Variants in AP1G2 observed in about 807,000 individuals in gnomAD.
AP1G2 encodes the protein adaptor related protein complex 1 subunit gamma 2, also known as AP-1 complex subunit gamma-like 2.
AP1G2 carries 85 observed loss-of-function variants against 95.8 expected under a neutral mutation model. The observed-to-expected ratio is 0.89, with a 90% CI of 0.74 to 1.06. The LOEUF is 1.06. Ranked by LOEUF, AP1G2 falls within the 50% of genes least tolerant of loss-of-function variation. The pLI is 0.00. For synonymous variants in AP1G2, 378 were observed against 400.0 expected (o/e 0.94, Z 0.66); for missense variants, 967 against 1,005.8 (o/e 0.96, Z 0.52).
rs780673370 is a variant in AP1G2, at chr14:23,560,355, C to G, written c.2057G>C (p.Arg686Pro). Residue 686 changes from arginine (R) to proline (P), a missense_variant, in exon 20 of 22, where the codon CGA (arginine) becomes CCA (proline). Transcript: ENST00000397120. ...EGVQLNLSFI[R>P]PPENPALLLI... ...CAGCAAAGCAGGGTTTTCAGGGGGTCGAATGAAAGACAGATTCAGCTGTAC... is the reference window on the plus strand; with the variant it reads ...CAGCAAAGCAGGGTTTTCAGGGGGTGGAATGAAAGACAGATTCAGCTGTAC... The G allele has an allele frequency of 3.1e-6, 5 of 1,613,832 alleles. No homozygotes were observed. Among genetic ancestry groups the G allele is most frequent in the East Asian group, 4.5e-5 (2 of 44,898 alleles).
chr14:23,566,410 G>T lies in AP1G2; in HGVS notation c.339C>A (p.Ser113Arg). The T allele has an allele frequency of 6.2e-7, 1 of 1,613,746 alleles. No individual in the cohort carries two copies. The highest frequency in any genetic ancestry group is 2.2e-5 in the East Asian group (1 of 44,870). The change falls in exon 4 of 22, where the codon AGC becomes AGA. Residue 113 changes from serine to arginine, a missense_variant. Ser to Arg is a moderately radical substitution (Grantham distance 110). Coordinates refer to ENST00000397120, the MANE Select transcript of AP1G2 (RefSeq NM_003917.5). ...GGCCTTGTACTGGCTGAATCCCCTG[G>T]CTCAGGTCACTGCAGGGTTTGGGAG... ...LITNSIKNDLSQGIQPVQGLA... is the reference protein window; with the variant it reads ...LITNSIKNDLRQGIQPVQGLA...
chr14:23,564,507 T>G (rs1886781150), intron 9 of AP1G2, 55 bp downstream of exon 9: 1 of 1,601,608 alleles, frequency 6.2e-7, no homozygotes, highest in Admixed American at 1.7e-5. Context: ...AAGCAGGACC[T>G]GTGTGGGTGA....
intron 19 of AP1G2, 102 bp downstream of exon 19, chr14:23,561,194 A>G: frequency 6.8e-7 from 1 of 1,461,258 alleles, no homozygotes; most frequent in Non-Finnish European, 9.0e-7. Context: ...GGGGACACAC[A>G]GGAAGAAGCA....
rs1198025206 is a variant in AP1G2, at chr14:23,567,771, C to G, written c.-38G>C. The G allele has an allele frequency of 8.0e-6, 8 of 1,003,704 alleles. No individual in the cohort carries two copies. The highest frequency in any genetic ancestry group is 1.0e-3 in the Middle Eastern group (2 of 2,006). The allele number at this position is 1,003,704 out of a possible 1,614,324, so 62.2% of individuals were successfully genotyped here. A position where few individuals can be genotyped will look rare whatever the true frequency, so the allele number is the denominator to read the frequency against. On this transcript the variant is annotated 5_prime_UTR_variant, in exon 1 of 22. Transcript: ENST00000397120. The surrounding 1 kb of genome is among the most constrained non-coding windows in gnomAD (Gnocchi z 5.3). ...CTGCCTCAACTCCGCTCCTCTGCCC[C>G]CCAGCGCTTCCTGGTACGGGGCCGA...
intron 2 of AP1G2, 125 bp downstream of exon 2, chr14:23,566,986 T>G (rs1888375546): frequency 1.8e-6 from 2 of 1,100,298 alleles, no homozygotes; most frequent in Admixed American, 5.6e-5. Flanking sequence ...AGGTTTGCAG[T>G]GCAGGCTGTG....
At chr14:23,566,814 C>T (rs1888254510) in intron 2 of AP1G2, 128 bp from the exon 3 acceptor site, 2 of 1,364,172 alleles carry the variant, frequency 1.5e-6, no homozygotes, top group African/African-American at 1.4e-5. Flanking sequence ...CTCCCTTCAA[C>T]AAGAGGAGAA....
chr14:23,565,250 T>G, intron 7 of AP1G2, 51 bp from the exon 8 acceptor site: 2 of 1,575,032 alleles, frequency 1.3e-6, no homozygotes, highest in Non-Finnish European at 1.7e-6. Context: ...GGATAAGGAG[T>G]CGTGGGGCTG....
intron 2 of AP1G2, chr14:23,566,910 G>A (rs1888329169): frequency 1.1e-6 from 1 of 882,328 alleles, no homozygotes; most frequent in East Asian, 2.7e-5. Context: ...CTGCCCTAAA[G>A]GAGGCTGGCC....
intron 8 of AP1G2, chr14:23,564,881 G>C (rs928783307): frequency 1.6e-6 from 1 of 631,042 alleles, no homozygotes; most frequent in Admixed American, 2.8e-5. Context: ...CATGTTATCT[G>C]TCCATCCTTC....
At chr14:23,562,955 G>C (rs966021862) in intron 14 of AP1G2, 1 of 730,880 alleles carries the variant, frequency 1.4e-6, no homozygotes, top group African/African-American at 1.8e-5. Flanking sequence ...CAAACAGGAT[G>C]GAAATGTGAG....
chr14:23,566,807 C>T (rs1164928799), intron 2 of AP1G2, 121 bp from the exon 3 acceptor site: 9 of 1,393,450 alleles, frequency 6.5e-6, no homozygotes, highest in Non-Finnish European at 8.8e-6. Flanking sequence ...CATCACTCTC[C>T]CTTCAACAAG....
chr14:23,561,935 C>T (rs373148237), intron 17 of AP1G2, 27 bp downstream of exon 17: 5 of 1,583,332 alleles, frequency 3.2e-6, no homozygotes, highest in Non-Finnish European at 4.3e-6. Context: ...GTTTGGGTCC[C>T]ATGCTGCAGC....
At chr14:23,564,836 C>G in intron 8 of AP1G2, 176 bp from the exon 9 acceptor site, 1 of 645,532 alleles carries the variant, frequency 1.5e-6, no homozygotes, top group South Asian at 1.9e-5. Context: ...TGCCAACAAG[C>G]CCAGGTAATC....
intron 19 of AP1G2, 101 bp downstream of exon 19, chr14:23,561,195 G>T: frequency 6.8e-7 from 1 of 1,463,858 alleles, no homozygotes; most frequent in Non-Finnish European, 9.0e-7. Context: ...GGGACACACA[G>T]GAAGAAGCAG....
chr14:23,565,949 C>A, intron 5 of AP1G2, 57 bp from the exon 6 acceptor site: 2 of 1,604,338 alleles, frequency 1.2e-6, no homozygotes, highest in East Asian at 2.2e-5. Flanking sequence ...GAGTCTATTG[C>A]GTGTGTGCCT....
At chr14:23,565,974 C>G in intron 5 of AP1G2, 82 bp from the exon 6 acceptor site, 2 of 1,610,832 alleles carry the variant, frequency 1.2e-6, no homozygotes, top group East Asian at 2.2e-5. Flanking sequence ...GTGTGCACTA[C>G]CCTTCTCCTG....
In AP1G2 at chr14:23,561,670, G is replaced by T. The variant is rs751802051; in HGVS notation, c.1734-35C>A. Reference sequence around the variant, plus strand: ...TGGAATGCAAGTGTGCCTCTGTGTGGTCTCTGGGCCTTTCACAAGAGGCAT... The same window carrying T: ...TGGAATGCAAGTGTGCCTCTGTGTGTTCTCTGGGCCTTTCACAAGAGGCAT... On this transcript the variant is annotated intron_variant, in intron 17 of 21. Coordinates refer to ENST00000397120, the MANE Select transcript of AP1G2 (RefSeq NM_003917.5). The T allele has an allele frequency of 3.1e-6, 5 of 1,608,772 alleles. No homozygotes were observed. The African/African-American group carries it at 6.7e-5, about 22-fold the overall frequency.
chr14:23,566,227 C>A (rs777883811), intron 4 of AP1G2, 51 bp downstream of exon 4: 87 of 1,607,600 alleles, frequency 5.4e-5, no homozygotes, highest in Non-Finnish European at 7.1e-5. Flanking sequence ...TACTATATAG[C>A]ACGCAGCAGG....
chr14:23,567,071 C>T lies in AP1G2; in HGVS notation c.204+40G>A. The T allele has an allele frequency of 6.3e-7, 1 of 1,584,504 alleles. No homozygotes were observed. Among genetic ancestry groups the T allele is most frequent in the South Asian group, 1.1e-5 (1 of 87,910 alleles). The stretch of plus-strand genomic sequence containing the variant: ...AGAGTCTGGGACTCTGCCCCACTAG[C>T]CTTCATCAAGCTCAGGAGGGAGGTA... On this transcript the variant is annotated intron_variant, in intron 2 of 21. Coordinates refer to ENST00000397120, the MANE Select transcript of AP1G2 (RefSeq NM_003917.5). This position sits in a 1 kb window ranked among gnomAD's most constrained non-coding sequence, Gnocchi z 5.3.
Sources: gnomAD v4.1 joint callset for allele counts on GRCh38, gnomAD v4.1.1 for gene constraint, Gnocchi (gnomAD v3.1) non-coding constraint, MANE v1.5 for transcripts, NCBI Gene and HGNC (gene_info 2026-07-23, HGNC 2026-07-21) for gene names.